Variants in NRXN1 observed in about 807,000 individuals in gnomAD.
NRXN1 encodes neurexin 1.
NRXN1 carries 39 observed loss-of-function variants against 150.9 expected under a neutral mutation model. The observed-to-expected ratio is 0.26, with a 90% CI of 0.20 to 0.34. NRXN1 has a LOEUF of 0.34. Ranked by LOEUF, NRXN1 falls within the 10% of genes least tolerant of loss-of-function variation. The pLI is 1.00. For synonymous variants in NRXN1, 924 were observed against 757.0 expected (o/e 1.22, Z -3.62); for missense variants, 1,815 against 1,949.9 (o/e 0.93, Z 1.30).
intron 15 of NRXN1, among the ~76,000 whole-genome samples, chr2:50,476,112 T>A (rs1364074982): frequency 6.6e-6 from 1 of 152,088 alleles, no homozygotes; most frequent in Admixed American, 6.6e-5. Flanking sequence ...AAAGGTTGAA[T>A]TGGGACACTT....
intron 18 of NRXN1, among the ~76,000 whole-genome samples, chr2:50,217,835 A>G (rs2063512222): frequency 6.6e-6 from 1 of 152,024 alleles, no homozygotes; most frequent in Non-Finnish European, 1.5e-5. Context: ...CTTTTCATCT[A>G]ACTTATTGTT....
chr2:50,358,404 T>A (rs964222703), intron 17 of NRXN1, among the ~76,000 whole-genome samples: 1 of 152,134 alleles, frequency 6.6e-6, no homozygotes, highest in Non-Finnish European at 1.5e-5. Flanking sequence ...GGGAGGGACG[T>A]CCACCATTAC....
At chr2:50,045,543 C>T (rs1031806355) in intron 21 of NRXN1, among the ~76,000 whole-genome samples, 3 of 152,058 alleles carry the variant, frequency 2.0e-5, no homozygotes, top group Non-Finnish European at 4.4e-5. Flanking sequence ...CTTCCCCTCA[C>T]AGACAATGAT....
At chr2:49,958,549 T>A (rs968450893) in intron 21 of NRXN1, among the ~76,000 whole-genome samples, 3 of 152,152 alleles carry the variant, frequency 2.0e-5, no homozygotes, top group Non-Finnish European at 4.4e-5. Flanking sequence ...TTCGTTATCA[T>A]TGCTTAGATG....
chr2:50,648,131 T>C (rs1156457202), intron 5 of NRXN1, among the ~76,000 whole-genome samples: 1 of 151,980 alleles, frequency 6.6e-6, no homozygotes, highest in African/African-American at 2.4e-5. Flanking sequence ...TAGCTCCTTG[T>C]TACAATCAAG....
chr2:50,621,852 G>A (rs1286494466), intron 6 of NRXN1, among the ~76,000 whole-genome samples: 1 of 147,658 alleles, frequency 6.8e-6, no homozygotes, highest in African/African-American at 2.7e-5. Flanking sequence ...AGAATGAGTA[G>A]AATGGATTTG....
chr2:50,119,978 G>C (rs944658653), intron 18 of NRXN1, among the ~76,000 whole-genome samples: 11 of 152,180 alleles, frequency 7.2e-5, no homozygotes, highest in African/African-American at 2.7e-4. Flanking sequence ...GAAGGAGCCT[G>C]TGATAGTTTT....
At chr2:50,243,241 T>C (rs959659230) in intron 17 of NRXN1, among the ~76,000 whole-genome samples, 5 of 151,688 alleles carry the variant, frequency 3.3e-5, no homozygotes, top group African/African-American at 1.2e-4. Flanking sequence ...ATTTGATTTT[T>C]ACACAACATA....
At chr2:50,739,175 A>G (rs965471698) in intron 5 of NRXN1, 6 of 371,340 alleles carry the variant, frequency 1.6e-5, no homozygotes, top group Non-Finnish European at 2.8e-5. Context: ...ATTCTTACAA[A>G]TCCTTATGAT....
chr2:49,978,091 G>A (rs1028565553), intron 21 of NRXN1, among the ~76,000 whole-genome samples: 1 of 152,096 alleles, frequency 6.6e-6, no homozygotes, highest in African/African-American at 2.4e-5. Context: ...GAACCAGGGA[G>A]TCAGAGGTTG....
At chr2:50,581,077 T>G (rs1432703600) in intron 8 of NRXN1, among the ~76,000 whole-genome samples, 1 of 152,176 alleles carries the variant, frequency 6.6e-6, no homozygotes, top group South Asian at 2.1e-4. Context: ...GGATTTGACA[T>G]TCAGCATTCT....
chr2:51,009,366 A>G (rs1364786085), intron 2 of NRXN1: 1 of 152,006 alleles, frequency 6.6e-6, no homozygotes, highest in Non-Finnish European at 1.5e-5. Context: ...AAACTGCAAA[A>G]TGAGCATGCA....
At chr2:50,301,728 C>T (rs940766216) in intron 17 of NRXN1, among the ~76,000 whole-genome samples, 1 of 152,108 alleles carries the variant, frequency 6.6e-6, no homozygotes, top group Non-Finnish European at 1.5e-5. Context: ...TACAGGAACA[C>T]AAGAGAATTG....
chr2:50,040,649 A>T (rs1690795116), intron 21 of NRXN1, among the ~76,000 whole-genome samples: 1 of 152,096 alleles, frequency 6.6e-6, no homozygotes, highest in African/African-American at 2.4e-5. Flanking sequence ...CTTCTAAACT[A>T]TATTGATTTG....
intron 5 of NRXN1, among the ~76,000 whole-genome samples, chr2:50,838,447 G>T (rs1672399082): frequency 6.6e-6 from 1 of 152,076 alleles, no homozygotes; most frequent in East Asian, 1.9e-4. Flanking sequence ...TAAAAGAATT[G>T]TTCTGGGTTG....
intron 21 of NRXN1, among the ~76,000 whole-genome samples, chr2:49,986,591 GT>G (rs1162562708): frequency 6.6e-6 from 1 of 152,044 alleles, no homozygotes; most frequent in African/African-American, 2.4e-5. Context: ...AAAGGGTAAA[GT>G]TTTTTCTTTT....
chr2:50,619,277 T>C (rs911447985), intron 8 of NRXN1: 2 of 152,100 alleles, frequency 1.3e-5, no homozygotes, highest in South Asian at 2.1e-4. Context: ...CCCAAAGAAA[T>C]TGGATTGTGT....
intron 5 of NRXN1, among the ~76,000 whole-genome samples, chr2:50,641,144 G>T (rs1273899792): frequency 2.0e-5 from 3 of 152,076 alleles, no homozygotes; most frequent in Non-Finnish European, 2.9e-5. Flanking sequence ...TACAAAAAAT[G>T]GTTTTTGCTT....
chr2:50,190,292 T>A (rs2061363099), intron 18 of NRXN1, among the ~76,000 whole-genome samples: 1 of 152,114 alleles, frequency 6.6e-6, no homozygotes, highest in South Asian at 2.1e-4. Context: ...AAAGTGGAGG[T>A]ACAATTACAC....
Sources: allele counts gnomAD v4.1 joint callset (sites outside exome capture counted in the v4.1 genomes callset), GRCh38; gene constraint gnomAD v4.1.1; transcripts MANE v1.5; gene names NCBI Gene and HGNC (gene_info 2026-07-23, HGNC 2026-07-21).